The following EXT1 variants were observed in gnomAD, a reference collection of about 807,000 sequenced individuals.
EXT1 encodes exostosin-1.
In EXT1, 20 loss-of-function variants were observed where a neutral mutation model predicts 82.5. The ratio of observed to expected loss-of-function variants is 0.24; its 90% CI spans 0.17 to 0.35. The LOEUF is 0.35. EXT1 is among the 10% of genes least tolerant of loss of function. The probability of loss-of-function intolerance (pLI) is 1.00; values close to 1 mark genes in which losing one functional copy is unlikely to be tolerated. For missense variants in EXT1, 757 were observed against 936.5 expected (o/e 0.81, Z 2.50); for synonymous variants, 348 against 350.8 (o/e 0.99, Z 0.09).
intron 1 of EXT1, among the ~76,000 whole-genome samples, chr8:118,025,566 C>G (rs1013341292): frequency 6.6e-5 from 10 of 151,966 alleles, no homozygotes; most frequent in African/African-American, 1.2e-4. Context: ...AAAAAAGGCC[C>G]AAACAAGCAA....
chr8:117,812,377 T>C (rs1414630003), intron 8 of EXT1, among the ~76,000 whole-genome samples: 2 of 152,192 alleles, frequency 1.3e-5, no homozygotes, highest in Non-Finnish European at 2.9e-5. Context: ...GTGAAACCGT[T>C]TGCTCTTGTA....
At chr8:117,883,915 C>G (rs995321744) in intron 1 of EXT1, among the ~76,000 whole-genome samples, 7 of 152,166 alleles carry the variant, frequency 4.6e-5, no homozygotes, top group African/African-American at 7.2e-5. Context: ...AGTTTTCGTG[C>G]CAGAAAGGTG....
intron 1 of EXT1, among the ~76,000 whole-genome samples, chr8:117,965,474 C>T (rs11562820): frequency 0.033 from 5,014 of 152,050 alleles, 262 homozygotes; most frequent in African/African-American, 0.11. Context: ...TGAAAGACCA[C>T]CAAGAGTAAT....
chr8:118,030,674 G>T (rs1333575714), intron 1 of EXT1, among the ~76,000 whole-genome samples: 4 of 152,064 alleles, frequency 2.6e-5, no homozygotes, highest in Non-Finnish European at 5.9e-5. Flanking sequence ...TAGAGATGGG[G>T]TTTCACCATG....
chr8:117,889,207 C>T (rs111596980), intron 1 of EXT1, among the ~76,000 whole-genome samples: 223 of 152,234 alleles, frequency 1.5e-3, no homozygotes, highest in Middle Eastern at 0.01. Context: ...CTGATGATCA[C>T]GGAGCCTCGT....
At chr8:117,956,178 A>C (rs1161898084) in intron 1 of EXT1, among the ~76,000 whole-genome samples, 2 of 29,014 alleles carry the variant, frequency 6.9e-5, no homozygotes, top group South Asian at 2.1e-3. Context: ...TTTTAACAGC[A>C]AAAAAAAAAA....
intron 1 of EXT1, among the ~76,000 whole-genome samples, chr8:117,854,900 T>A (rs1368979594): frequency 6.6e-6 from 1 of 152,172 alleles, no homozygotes; most frequent in East Asian, 1.9e-4. Context: ...TTACCAGCAG[T>A]TTTGATGCCA....
intron 1 of EXT1, among the ~76,000 whole-genome samples, chr8:118,036,088 C>T (rs17505387): frequency 0.024 from 2,981 of 124,794 alleles, 98 homozygotes; most frequent in African/African-American, 0.085. Flanking sequence ...TTTTTTTTTT[C>T]ATGTATCTGT....
At chr8:118,050,142 G>A (rs746258642) in intron 1 of EXT1, among the ~76,000 whole-genome samples, 1 of 152,184 alleles carries the variant, frequency 6.6e-6, no homozygotes, top group Non-Finnish European at 1.5e-5. Flanking sequence ...AGAGACATGG[G>A]TTTTTGTCTC....
At chr8:117,994,960 A>T (rs1815506045) in intron 1 of EXT1, among the ~76,000 whole-genome samples, 1 of 152,180 alleles carries the variant, frequency 6.6e-6, no homozygotes, top group Non-Finnish European at 1.5e-5. Flanking sequence ...AGCATTAATA[A>T]ATAGTCACAG....
At chr8:117,997,230 G>A (rs1815562359) in intron 1 of EXT1, among the ~76,000 whole-genome samples, 1 of 145,586 alleles carries the variant, frequency 6.9e-6, no homozygotes, top group African/African-American at 2.6e-5. Flanking sequence ...TTCCCCGTAT[G>A]GTATAGTTGT....
intron 1 of EXT1, among the ~76,000 whole-genome samples, chr8:117,989,736 G>A (rs1815395760): frequency 6.6e-6 from 1 of 152,198 alleles, no homozygotes; most frequent in African/African-American, 2.4e-5. Flanking sequence ...TGGGCGAGAT[G>A]TTAGCTACTC....
chr8:117,955,228 G>A (rs1814564886), intron 1 of EXT1, among the ~76,000 whole-genome samples: 1 of 152,156 alleles, frequency 6.6e-6, no homozygotes, highest in Non-Finnish European at 1.5e-5. Flanking sequence ...TTATCAACCT[G>A]GAGGCTCTCC....
intron 1 of EXT1, among the ~76,000 whole-genome samples, chr8:117,908,137 A>G (rs930397133): frequency 2.0e-5 from 3 of 152,230 alleles, no homozygotes; most frequent in Non-Finnish European, 4.4e-5. Flanking sequence ...GAGCATAAAT[A>G]CTGTGTGCTG....
chr8:117,972,086 G>A (rs1377478318), intron 1 of EXT1, among the ~76,000 whole-genome samples: 1 of 150,910 alleles, frequency 6.6e-6, no homozygotes, highest in African/African-American at 2.4e-5. Context: ...GGAGGCTGAG[G>A]TTGCGGTGAG....
At chr8:117,854,244 C>T (rs912306474) in intron 1 of EXT1, among the ~76,000 whole-genome samples, 2 of 152,192 alleles carry the variant, frequency 1.3e-5, no homozygotes, top group Admixed American at 1.3e-4. Flanking sequence ...GGGCTTCATC[C>T]AGCAAAGACA....
intron 1 of EXT1, among the ~76,000 whole-genome samples, chr8:118,103,220 C>T (rs1392310043): frequency 1.3e-5 from 2 of 152,176 alleles, no homozygotes; most frequent in Non-Finnish European, 2.9e-5. Flanking sequence ...CATCATCAGT[C>T]ACTGCAGCCT....
chr8:117,983,264 G>GGTGGGAGGA (rs1229347333), intron 1 of EXT1, among the ~76,000 whole-genome samples: 1 of 152,120 alleles, frequency 6.6e-6, no homozygotes, highest in East Asian at 1.9e-4. Flanking sequence ...TGGGAGGATT[G>GGTGGGAGGA]TTCGAGTCCA....
At chr8:117,927,251 T>G (rs1047794500) in intron 1 of EXT1, among the ~76,000 whole-genome samples, 4 of 152,014 alleles carry the variant, frequency 2.6e-5, no homozygotes, top group African/African-American at 9.7e-5. Flanking sequence ...TCAAAAAGGT[T>G]TTTTGGAAAA....
Sources: allele counts gnomAD v4.1 joint callset (sites outside exome capture counted in the v4.1 genomes callset), GRCh38; gene constraint gnomAD v4.1.1; transcripts MANE v1.5; gene names NCBI Gene and HGNC (gene_info 2026-07-23, HGNC 2026-07-21).